HECW1: variants seen among roughly 807,000 people sequenced by gnomAD.
HECW1 encodes HECT, C2 and WW domain containing E3 ubiquitin protein ligase 1.
A neutral mutation model predicts 182.3 loss-of-function variants in HECW1; 61 were observed. The ratio of observed to expected loss-of-function variants is 0.33; its 90% confidence interval spans 0.27 to 0.41. The LOEUF (loss-of-function observed/expected upper bound fraction) is 0.41. Among genes scored for constraint, HECW1 ranks in the 10% least tolerant of loss-of-function variants. The pLI is 1.00. For synonymous variants in HECW1, 859 were observed against 832.6 expected (o/e 1.03, Z -0.55); for missense variants, 1,739 against 2,108.9 (o/e 0.82, Z 3.44).
chr7:43,314,975 C>T (rs1584447850), intron 4 of HECW1, among the ~76,000 whole-genome samples: 1 of 152,312 alleles, frequency 6.6e-6, no homozygotes, highest in South Asian at 2.1e-4. Flanking sequence ...ACTCATGCTG[C>T]CACAGGGGTA....
intron 2 of HECW1, among the ~76,000 whole-genome samples, chr7:43,141,067 T>C (rs1264238768): frequency 6.6e-6 from 1 of 152,186 alleles, no homozygotes; most frequent in Non-Finnish European, 1.5e-5. Context: ...AACAGGTGAA[T>C]TGTGGGGAGA....
intron 2 of HECW1, among the ~76,000 whole-genome samples, chr7:43,207,127 A>G (rs1201543552): frequency 1.3e-5 from 2 of 152,018 alleles, no homozygotes; most frequent in Non-Finnish European, 2.9e-5. Flanking sequence ...GCTCACTGCA[A>G]CCTCCGTCTC....
intron 24 of HECW1, chr7:43,510,243 A>G (rs191147159): frequency 2.0e-5 from 3 of 152,358 alleles, no homozygotes; most frequent in Admixed American, 1.3e-4. Flanking sequence ...AGAGAGTGCT[A>G]TGACCTGTAA....
intron 2 of HECW1, among the ~76,000 whole-genome samples, chr7:43,228,153 A>G (rs139397460): frequency 1.3e-5 from 2 of 152,358 alleles, no homozygotes; most frequent in Admixed American, 6.5e-5. Flanking sequence ...TAAAAAGCAA[A>G]TAACGCCCAG....
intron 2 of HECW1, among the ~76,000 whole-genome samples, chr7:43,133,069 T>G (rs1323086654): frequency 6.6e-6 from 1 of 152,134 alleles, no homozygotes; most frequent in Non-Finnish European, 1.5e-5. Flanking sequence ...AGTTAACTAG[T>G]GCGTTTTTTC....
At chr7:43,488,538 G>C (rs1319974600) in intron 17 of HECW1, among the ~76,000 whole-genome samples, 1 of 152,116 alleles carries the variant, frequency 6.6e-6, no homozygotes, top group Non-Finnish European at 1.5e-5. Context: ...AAGCCATGTT[G>C]GCATCATGTT....
intron 2 of HECW1, among the ~76,000 whole-genome samples, chr7:43,157,457 T>A (rs1232834377): frequency 6.6e-6 from 1 of 152,242 alleles, no homozygotes; most frequent in Admixed American, 6.5e-5. Flanking sequence ...GATACTTACA[T>A]GAAAACCATT....
intron 5 of HECW1, among the ~76,000 whole-genome samples, chr7:43,329,208 G>A (rs35723760): frequency 0.2 from 30,889 of 152,048 alleles, 4,039 homozygotes; most frequent in Non-Finnish European, 0.3. Flanking sequence ...GGGTGAGGCT[G>A]GGGTAGGTGA....
At chr7:43,559,273 A>G (rs766527845) in intron 29 of HECW1, among the ~76,000 whole-genome samples, 8 of 152,150 alleles carry the variant, frequency 5.3e-5, no homozygotes, top group Non-Finnish European at 8.8e-5. Flanking sequence ...CTTGACACCA[A>G]TGGCATGGAA....
chr7:43,156,179 T>C (rs932932384), intron 2 of HECW1, among the ~76,000 whole-genome samples: 4 of 152,310 alleles, frequency 2.6e-5, no homozygotes, highest in African/African-American at 9.6e-5. Context: ...ATCTTGTACA[T>C]GAAAGACTAC....
chr7:43,536,811 T>A (rs1025202510), intron 24 of HECW1, among the ~76,000 whole-genome samples: 8 of 152,074 alleles, frequency 5.3e-5, no homozygotes, highest in African/African-American at 1.9e-4. Context: ...CTGTAAACTC[T>A]TAGGGCCCAG....
intron 26 of HECW1, among the ~76,000 whole-genome samples, chr7:43,543,347 G>C (rs1230128822): frequency 6.6e-6 from 1 of 152,204 alleles, no homozygotes; most frequent in Admixed American, 6.5e-5. Context: ...AAGAATCTTG[G>C]TTAGGTCCTG....
At chr7:43,364,399 A>G (rs1336616335) in intron 6 of HECW1, among the ~76,000 whole-genome samples, 2 of 152,238 alleles carry the variant, frequency 1.3e-5, no homozygotes, top group South Asian at 2.1e-4. Flanking sequence ...GGATGTGCTT[A>G]TAGAGATAAA....
chr7:43,351,682 T>C (rs535900864), intron 5 of HECW1, among the ~76,000 whole-genome samples: 112 of 150,422 alleles, frequency 7.4e-4, no homozygotes, highest in African/African-American at 2.6e-3. Flanking sequence ...TTTCTTCTTT[T>C]TTTTTTTTTT....
intron 4 of HECW1, among the ~76,000 whole-genome samples, chr7:43,315,746 G>C (rs577993412): frequency 6.6e-6 from 1 of 151,966 alleles, no homozygotes; most frequent in Non-Finnish European, 1.5e-5. Context: ...CACCCACCTC[G>C]GCCTCCCAAA....
At chr7:43,460,007 A>G (rs1465931058) in intron 13 of HECW1, among the ~76,000 whole-genome samples, 1 of 152,238 alleles carries the variant, frequency 6.6e-6, no homozygotes, top group African/African-American at 2.4e-5. Flanking sequence ...AATTGCTTGT[A>G]TAGTATTCCA....
chr7:43,341,231 G>A (rs1303194731), intron 5 of HECW1, among the ~76,000 whole-genome samples: 2 of 151,328 alleles, frequency 1.3e-5, no homozygotes, highest in Non-Finnish European at 2.9e-5. Context: ...GATGGGTGCA[G>A]CAAACTAACA....
intron 2 of HECW1, among the ~76,000 whole-genome samples, chr7:43,195,047 A>T (rs1048256967): frequency 6.6e-6 from 1 of 151,686 alleles, no homozygotes; most frequent in African/African-American, 2.4e-5. Flanking sequence ...AATGAGGGAG[A>T]TTTTTTTCCC....
At position 43,311,931 on chromosome 7, in the gene HECW1, T is replaced by G. The variant is rs762360674; in HGVS notation, c.196T>G (p.Ser66Ala). ...GPHDGVTIPR[S>A]TSDTDLVTSD... is the part of the protein sequence containing the mutation. ...CCACGATGGCGTCACCATTCCCCGC[T>G]CCACCAGCGACACTGACCTGGTCAC... The change falls in exon 4 of 30, where the codon TCC (serine) becomes GCC (alanine). Residue 66 changes from serine to alanine, a missense_variant. Around this residue, in one of 5 missense-constraint regions of HECW1, gnomAD observed 279 missense variants for 353.1 expected, o/e 0.79. Coordinates refer to ENST00000395891, the MANE Select transcript of HECW1 (RefSeq NM_015052.5). 2 of 1,614,130 alleles carry G rather than the reference T, an allele frequency of 1.2e-6. No homozygotes were observed. The highest frequency in any genetic ancestry group is 2.2e-5 in the South Asian group (2 of 91,076).
Sources: allele counts gnomAD v4.1 joint callset (sites outside exome capture counted in the v4.1 genomes callset), GRCh38; gene constraint gnomAD v4.1.1; regional missense constraint gnomAD v4.1.1; transcripts MANE v1.5; gene names NCBI Gene and HGNC (gene_info 2026-07-23, HGNC 2026-07-21).